The following RBMS3 variants were observed in gnomAD, a reference collection of about 807,000 sequenced individuals.
The protein encoded by RBMS3 is RNA-binding motif, single-stranded-interacting protein 3.
RBMS3 carries 27 observed loss-of-function variants against 66.8 expected under a neutral mutation model. The observed-to-expected ratio is 0.40, with a 90% confidence interval of 0.30 to 0.56. RBMS3 has a LOEUF of 0.56. Ranked by LOEUF, RBMS3 falls within the 20% of genes least tolerant of loss-of-function variation. The pLI is 0.40. For missense variants in RBMS3, 513 were observed against 549.5 expected, an observed-to-expected ratio of 0.93 and a Z score of 0.66; for synonymous variants, 188 against 183.0, an observed-to-expected ratio of 1.03 and a Z score of -0.22.
chr3:29,388,100 C>G (rs566264094), intron 1 of RBMS3, among the ~76,000 whole-genome samples: 76 of 149,272 alleles, frequency 5.1e-4, no homozygotes, highest in African/African-American at 1.9e-3. Context: ...CACACACACA[C>G]ACACACACAC....
chr3:29,897,989 A>C (rs2060166622), intron 9 of RBMS3, among the ~76,000 whole-genome samples: 1 of 151,614 alleles, frequency 6.6e-6, no homozygotes, highest in Admixed American at 6.6e-5. Flanking sequence ...CCCTGCTCTT[A>C]TTTCATTCTC....
In RBMS3 at chr3:29,505,365, G is replaced by A. The variant is rs77728712; in HGVS notation, c.307+16866G>A. ...TACCTTTGTCAAAACTCAATTGACT[G>A]TAATCACATGGATTTGTTTCTGGGA... is the stretch of plus-strand genomic sequence containing the variant. On this transcript the variant is annotated intron_variant, in intron 3 of 14. Transcript: ENST00000383767. Among the ~76,000 whole-genome samples the A allele has an allele frequency of 8.3e-3, 1,261 of 152,008 alleles. 13 individuals carry two copies. The highest frequency in any genetic ancestry group is 0.014 in the Non-Finnish European group (969 of 67,896).
intron 11 of RBMS3, among the ~76,000 whole-genome samples, chr3:29,942,781 T>C (rs1418764669): frequency 6.6e-6 from 1 of 151,586 alleles, no homozygotes; most frequent in Non-Finnish European, 1.5e-5. Context: ...TCTTGGAAAA[T>C]GTCTAGTAGC....
chr3:29,494,126 A>C (rs2043651984), intron 3 of RBMS3, among the ~76,000 whole-genome samples: 1 of 151,976 alleles, frequency 6.6e-6, no homozygotes, highest in Non-Finnish European at 1.5e-5. Context: ...TGTGTAAGTT[A>C]GTCTTTACCA....
chr3:29,582,029 G>A (rs192927360), intron 3 of RBMS3, among the ~76,000 whole-genome samples: 2 of 152,164 alleles, frequency 1.3e-5, no homozygotes, highest in African/African-American at 2.4e-5. Context: ...AATTTCAAAT[G>A]GATTGTCACG....
intron 3 of RBMS3, among the ~76,000 whole-genome samples, chr3:29,554,405 G>A (rs1403597400): frequency 6.6e-6 from 1 of 152,192 alleles, no homozygotes; most frequent in African/African-American, 2.4e-5. Flanking sequence ...AGCAGTAACA[G>A]TCAATGCTGG....
At chr3:29,705,279 A>G (rs1210757793) in intron 4 of RBMS3, among the ~76,000 whole-genome samples, 1 of 152,236 alleles carries the variant, frequency 6.6e-6, no homozygotes, top group Non-Finnish European at 1.5e-5. Context: ...AGAAAAATGT[A>G]TATGAAGGAA....
intron 1 of RBMS3, among the ~76,000 whole-genome samples, chr3:29,386,895 A>G (rs934580814): frequency 3.3e-5 from 5 of 152,228 alleles, no homozygotes; most frequent in Non-Finnish European, 7.3e-5. Context: ...GCCAGATCCA[A>G]TGGACCATTC....
intron 3 of RBMS3, among the ~76,000 whole-genome samples, chr3:29,540,256 C>A (rs1441886399): frequency 4.6e-5 from 7 of 152,176 alleles, no homozygotes; most frequent in African/African-American, 1.7e-4. Context: ...CAAACAAATT[C>A]TAAGGATGTA....
intron 10 of RBMS3, among the ~76,000 whole-genome samples, chr3:29,918,300 A>G (rs1431079353): frequency 1.3e-5 from 2 of 152,196 alleles, no homozygotes; most frequent in African/African-American, 2.4e-5. Flanking sequence ...AATGCCAATC[A>G]CATTAGCATA....
chr3:29,707,592 GT>G (rs2052963409), intron 4 of RBMS3, among the ~76,000 whole-genome samples: 2 of 152,246 alleles, frequency 1.3e-5, no homozygotes, highest in South Asian at 4.1e-4. Context: ...AAAGCTGACA[GT>G]TTTTCTGTCT....
At chr3:29,324,197 T>G (rs971350004) in intron 1 of RBMS3, among the ~76,000 whole-genome samples, 3 of 152,100 alleles carry the variant, frequency 2.0e-5, no homozygotes, top group African/African-American at 2.4e-5. Context: ...CTTCAACCTT[T>G]CATTTTCCTC....
At chr3:29,664,894 T>C (rs1221462429) in intron 4 of RBMS3, among the ~76,000 whole-genome samples, 1 of 152,080 alleles carries the variant, frequency 6.6e-6, no homozygotes, top group Non-Finnish European at 1.5e-5. Context: ...TCAAGATTTC[T>C]GTACAGTGCA....
At chr3:29,494,265 C>T (rs1453889864) in intron 3 of RBMS3, among the ~76,000 whole-genome samples, 1 of 152,202 alleles carries the variant, frequency 6.6e-6, no homozygotes, top group African/African-American at 2.4e-5. Context: ...TTTATGCTCT[C>T]CTGAATCCCA....
chr3:29,687,617 T>C (rs1340825272), intron 4 of RBMS3, among the ~76,000 whole-genome samples: 2 of 152,212 alleles, frequency 1.3e-5, no homozygotes, highest in Non-Finnish European at 2.9e-5. Context: ...CTACTGATAA[T>C]TAGACACAAA....
At chr3:29,681,286 C>T (rs1206294594) in intron 4 of RBMS3, among the ~76,000 whole-genome samples, 1 of 152,208 alleles carries the variant, frequency 6.6e-6, no homozygotes, top group Non-Finnish European at 1.5e-5. Flanking sequence ...CTCCTACCAA[C>T]ACCTCCAACA....
intron 1 of RBMS3, among the ~76,000 whole-genome samples, chr3:29,376,617 C>G: frequency 6.6e-6 from 1 of 151,458 alleles, no homozygotes. Context: ...CTAAAAAATA[C>G]AAAAAAACGA....
rs886303832 is a variant in RBMS3, at chr3:30,009,898, A to AAGTT, written c.*6038_*6041dup. On this transcript the variant is annotated 3_prime_UTR_variant, in exon 15 of 15. Coordinates refer to ENST00000383767, the MANE Select transcript of RBMS3 (RefSeq NM_001003793.3). ...GTTATCTCTTCATATATAAAAAAATAAGTTATTCCATGCTTTTCAGGAACT... is the reference window on the plus strand; with the variant it reads ...GTTATCTCTTCATATATAAAAAAATAAGTTAGTTATTCCATGCTTTTCAGGAACT... 60 of 152,144 alleles carry AAGTT rather than the reference A, an allele frequency of 3.9e-4. No individual in the cohort carries two copies. The highest frequency in any genetic ancestry group is 7.8e-4 in the Non-Finnish European group (53 of 68,020). The allele number at this position is 152,144 out of a possible 1,614,324, so 9.4% of individuals were successfully genotyped here.
intron 1 of RBMS3, among the ~76,000 whole-genome samples, chr3:29,386,541 C>T (rs982962396): frequency 1.3e-5 from 2 of 152,162 alleles, no homozygotes; most frequent in African/African-American, 2.4e-5. Flanking sequence ...ATCTCTTCTA[C>T]TTGTGCACTG....
Sources: gnomAD v4.1 joint callset for allele counts (sites outside exome capture counted in the v4.1 genomes callset) on GRCh38, gnomAD v4.1.1 for gene constraint, MANE v1.5 for transcripts, NCBI Gene and HGNC (gene_info 2026-07-23, HGNC 2026-07-21) for gene names.